Variants in PPP3R1 observed in about 807,000 individuals in gnomAD.
The protein encoded by PPP3R1 is calcineurin subunit B type 1.
PPP3R1 carries 5 observed loss-of-function variants against 22.6 expected under a neutral mutation model. The ratio of observed to expected loss-of-function variants is 0.22; its 90% CI spans 0.12 to 0.46. The LOEUF (loss-of-function observed/expected upper bound fraction) is 0.46. PPP3R1 is among the 20% of genes least tolerant of loss of function. The probability of loss-of-function intolerance (pLI) is 0.99; values close to 1 mark genes in which losing one functional copy is unlikely to be tolerated. For synonymous variants in PPP3R1, 56 were observed against 65.2 expected (o/e 0.86, Z 0.68); for missense variants, 61 against 203.2 (o/e 0.30, Z 4.25).
intron 2 of PPP3R1, among the ~76,000 whole-genome samples, chr2:68,211,406 C>CCAA (rs565919578): frequency 1.3e-5 from 1 of 77,412 alleles, no homozygotes; most frequent in African/African-American, 5.6e-5. Flanking sequence ...GACTCTGTCT[C>CCAA]AAAAAAAAAA....
At chr2:68,196,703 A>G (rs1483670908) in intron 2 of PPP3R1, among the ~76,000 whole-genome samples, 1 of 152,126 alleles carries the variant, frequency 6.6e-6, no homozygotes. Flanking sequence ...ACCACCAACA[A>G]AAGAAGTATC....
intron 1 of PPP3R1, among the ~76,000 whole-genome samples, chr2:68,229,857 GGTGT>G (rs371523620): frequency 5.1e-4 from 76 of 149,398 alleles, no homozygotes; most frequent in East Asian, 9.8e-4. Flanking sequence ...ATGTTTAATT[GGTGT>G]GTGTGTGTGT....
intron 1 of PPP3R1, among the ~76,000 whole-genome samples, chr2:68,221,157 T>C (rs538403838): frequency 2.0e-5 from 3 of 151,920 alleles, no homozygotes; most frequent in Admixed American, 1.3e-4. Flanking sequence ...CATGGTGAAA[T>C]CTGTCTCTAC....
chr2:68,200,066 T>C (rs966799926), intron 2 of PPP3R1, among the ~76,000 whole-genome samples: 5 of 152,322 alleles, frequency 3.3e-5, no homozygotes, highest in Middle Eastern at 3.4e-3. Flanking sequence ...TTTTGAAATA[T>C]GAATTCAATT....
At chr2:68,196,592 T>C (rs1674778774) in intron 2 of PPP3R1, among the ~76,000 whole-genome samples, 5 of 152,186 alleles carry the variant, frequency 3.3e-5, no homozygotes, top group Admixed American at 3.3e-4. Context: ...AGAAATATAA[T>C]CTTAGACTGC....
intron 2 of PPP3R1, among the ~76,000 whole-genome samples, chr2:68,201,688 T>C (rs1363946735): frequency 6.6e-6 from 1 of 152,232 alleles, no homozygotes; most frequent in Non-Finnish European, 1.5e-5. Context: ...TCGTTTAAGT[T>C]AACCTTCCCA....
Position 68,198,179 on chromosome 2 carries a change from A to G in PPP3R1, c.44-9489T>C, listed in dbSNP as rs188952548. Among the ~76,000 whole-genome samples the G allele has an allele frequency of 3.7e-3, 527 of 144,072 alleles. 4 individuals carry two copies. Among genetic ancestry groups the G allele is most frequent in the African/African-American group, 0.013 (488 of 38,956 alleles). 94.5% of individuals were successfully genotyped at this position (144,072 alleles called of 152,430 possible). ...TATATGTAAATATATACATACATGT[A>G]TATATAATATATATTTACATATATG... On this transcript the variant is annotated intron_variant, in intron 2 of 5. Transcript: ENST00000234310.
intron 2 of PPP3R1, among the ~76,000 whole-genome samples, chr2:68,201,335 T>A (rs1235590089): frequency 6.6e-6 from 1 of 152,130 alleles, no homozygotes; most frequent in Admixed American, 6.5e-5. Flanking sequence ...TATTCAAGAC[T>A]TACTTACACG....
rs1015047800 is a variant in PPP3R1 at position 68,180,942 on chromosome 2, G to A, written c.*21C>T. 1 of 1,605,540 alleles carries A rather than the reference G, an allele frequency of 6.2e-7. No homozygotes were observed. Among genetic ancestry groups the A allele is most frequent in the Non-Finnish European group, 8.5e-7 (1 of 1,172,534 alleles). On this transcript the variant is annotated 3_prime_UTR_variant, in exon 6 of 6. Coordinates refer to ENST00000234310, the MANE Select transcript of PPP3R1 (RefSeq NM_000945.4). ...GATGGAGAAGAAAGCAAAAGTGTTG[G>A]GTGGTACTCTCTGATAAGAGTCACA...
chr2:68,183,652 T>C (rs1200376448), intron 5 of PPP3R1, among the ~76,000 whole-genome samples: 1 of 152,246 alleles, frequency 6.6e-6, no homozygotes, highest in Non-Finnish European at 1.5e-5. Context: ...GTTTCAAAAA[T>C]TCAATATACA....
rs113764763 is a variant in PPP3R1 at position 68,234,324 on chromosome 2, C to G, written c.4-17193G>C. Among the ~76,000 whole-genome samples, 702 of 150,776 alleles carry G rather than the reference C, an allele frequency of 4.7e-3. 3 individuals carry two copies. Among genetic ancestry groups the G allele is most frequent in the Middle Eastern group, 0.027 (8 of 294 alleles). Reference sequence around the variant, plus strand: ...TGCCACTGCACTCCAGCCTGGGGAACAGAGTGAGACTCCGTCCAAAAAAAA... The same window carrying G: ...TGCCACTGCACTCCAGCCTGGGGAAGAGAGTGAGACTCCGTCCAAAAAAAA... On this transcript the variant is annotated intron_variant, in intron 1 of 5. Transcript: ENST00000234310.
chr2:68,196,723 T>C (rs1351413925), intron 2 of PPP3R1, among the ~76,000 whole-genome samples: 1 of 152,072 alleles, frequency 6.6e-6, no homozygotes, highest in Non-Finnish European at 1.5e-5. Flanking sequence ...CACATTTTAA[T>C]AAAAATGCTA....
At chr2:68,223,948 G>A (rs1002995055) in intron 1 of PPP3R1, among the ~76,000 whole-genome samples, 18 of 152,046 alleles carry the variant, frequency 1.2e-4, no homozygotes, top group African/African-American at 2.7e-4. Flanking sequence ...TAAGCAAGAC[G>A]GCAAGATAAA....
intron 1 of PPP3R1, among the ~76,000 whole-genome samples, chr2:68,243,465 G>A (rs1670170436): frequency 1.3e-5 from 2 of 151,884 alleles, no homozygotes; most frequent in African/African-American, 2.4e-5. Context: ...TAAAAATGAG[G>A]AATAAATTTT....
At chr2:68,191,891 T>C (rs1191560169) in intron 2 of PPP3R1, among the ~76,000 whole-genome samples, 3 of 152,148 alleles carry the variant, frequency 2.0e-5, no homozygotes, top group South Asian at 2.1e-4. Flanking sequence ...ACACCCTTAC[T>C]CTTGAAAGAG....
chr2:68,191,641 TA>T (rs1244396316), intron 2 of PPP3R1, among the ~76,000 whole-genome samples: 1 of 152,218 alleles, frequency 6.6e-6, no homozygotes, highest in Non-Finnish European at 1.5e-5. Flanking sequence ...TCAGCTCCAT[TA>T]TAATCTTACG....
chr2:68,218,938 G>A (rs928411745), intron 1 of PPP3R1, among the ~76,000 whole-genome samples: 9 of 152,024 alleles, frequency 5.9e-5, no homozygotes, highest in Admixed American at 1.3e-4. Context: ...CAAGACCTAA[G>A]AACCAACCAG....
intron 1 of PPP3R1, among the ~76,000 whole-genome samples, chr2:68,219,009 G>T (rs562737244): frequency 6.6e-6 from 1 of 152,178 alleles, no homozygotes; most frequent in Middle Eastern, 3.4e-3. Flanking sequence ...CCTAAACTTG[G>T]AATGCATATA....
intron 1 of PPP3R1, among the ~76,000 whole-genome samples, chr2:68,248,189 G>A (rs948384364): frequency 3.9e-5 from 6 of 152,126 alleles, no homozygotes; most frequent in African/African-American, 1.4e-4. Flanking sequence ...TCTATGTGGT[G>A]TGCCCTTCCT....
Sources: gnomAD v4.1 joint callset for allele counts (sites outside exome capture counted in the v4.1 genomes callset) on GRCh38, gnomAD v4.1.1 for gene constraint, MANE v1.5 for transcripts, NCBI Gene and HGNC (gene_info 2026-07-23, HGNC 2026-07-21) for gene names.